Variants in TSHZ2 observed in about 807,000 individuals in gnomAD.
The protein encoded by TSHZ2 is teashirt homolog 2.
Under a neutral mutation model 74.4 loss-of-function variants are expected in TSHZ2, and 21 were observed. That is an observed-to-expected ratio of 0.28 (90% CI 0.20 to 0.41). The LOEUF is 0.41. Among genes scored for constraint, TSHZ2 ranks in the 10% least tolerant of loss-of-function variants. The pLI is 1.00. For missense variants in TSHZ2, 1,244 were observed against 1,293.5 expected, an observed-to-expected ratio of 0.96 and a Z score of 0.59; for synonymous variants, 540 against 515.3, an observed-to-expected ratio of 1.05 and a Z score of -0.65.
intron 1 of TSHZ2, among the ~76,000 whole-genome samples, chr20:53,021,840 T>G (rs556293899): frequency 6.6e-6 from 1 of 152,346 alleles, no homozygotes; most frequent in Admixed American, 6.5e-5. Flanking sequence ...ACTTGGTTTT[T>G]AAGTAGTAAT....
intron 1 of TSHZ2, among the ~76,000 whole-genome samples, chr20:53,143,952 G>A (rs867999558): frequency 6.6e-6 from 1 of 152,092 alleles, no homozygotes. Flanking sequence ...AATTTGGTGG[G>A]TAGGAGGTTG....
At chr20:53,089,660 T>C (rs1182723537) in intron 1 of TSHZ2, among the ~76,000 whole-genome samples, 2 of 152,082 alleles carry the variant, frequency 1.3e-5, no homozygotes, top group Non-Finnish European at 2.9e-5. Flanking sequence ...GCTATGAAGA[T>C]TAAAAAGCTA....
At chr20:53,132,299 T>C (rs1987125621) in intron 1 of TSHZ2, among the ~76,000 whole-genome samples, 1 of 150,780 alleles carries the variant, frequency 6.6e-6, no homozygotes, top group South Asian at 2.1e-4. Flanking sequence ...TTCTCATTAT[T>C]CTTTCTGCCC....
chr20:53,191,428 C>T (rs941898364), intron 1 of TSHZ2, among the ~76,000 whole-genome samples: 6 of 152,088 alleles, frequency 3.9e-5, no homozygotes, highest in African/African-American at 1.2e-4. Flanking sequence ...TTTGAGAGGC[C>T]GAGGCGGGTG....
Position 53,119,386 on chromosome 20 carries a change from G to A in TSHZ2, c.41-134113G>A, listed in dbSNP as rs753188660. ...TCATCAAACTTAAGCAAATAGGGAC[G>A]AGACACAACTAAATGAGACATTGTA... On this transcript the variant is annotated intron_variant, in intron 1 of 2. Transcript: ENST00000371497. 4.6e-5 allele frequency among the ~76,000 whole-genome samples: 7 copies of A among 152,170 alleles called. No homozygotes were observed. The South Asian group carries it at 8.3e-4, about 18-fold the overall frequency.
chr20:52,981,700 C>T lies in TSHZ2; in HGVS notation c.40+8367C>T, dbSNP rs144456425. Among the ~76,000 whole-genome samples the T allele has an allele frequency of 6.1e-3, 928 of 152,320 alleles. 15 individuals are homozygous for T. Among genetic ancestry groups the T allele is most frequent in the African/African-American group, 0.021 (877 of 41,570 alleles). On this transcript the variant is annotated intron_variant, in intron 1 of 2. Coordinates refer to ENST00000371497, the MANE Select transcript of TSHZ2 (RefSeq NM_173485.6). ...TCTCCTGAGGCAGACTCATTCTGGG[C>T]TGTTTGGAGTCCAGCACCCGCTCAA... is the stretch of plus-strand genomic sequence containing the variant.
chr20:53,423,801 C>T (rs1438881549), intron 2 of TSHZ2, among the ~76,000 whole-genome samples: 2 of 152,228 alleles, frequency 1.3e-5, no homozygotes, highest in Non-Finnish European at 1.5e-5. Context: ...AATGACCACA[C>T]TGTCAAGTAA....
At chr20:53,078,766 G>C (rs1384324572) in intron 1 of TSHZ2, among the ~76,000 whole-genome samples, 1 of 152,150 alleles carries the variant, frequency 6.6e-6, no homozygotes, top group Non-Finnish European at 1.5e-5. Context: ...AAAATCAATA[G>C]AGCTTGGCTA....
At chr20:53,377,198 C>T (rs1321156709) in intron 2 of TSHZ2, among the ~76,000 whole-genome samples, 1 of 152,230 alleles carries the variant, frequency 6.6e-6, no homozygotes, top group Non-Finnish European at 1.5e-5. Flanking sequence ...TTTCAAGAAC[C>T]TTACACTTGC....
At chr20:53,059,060 A>T (rs1984735174) in intron 1 of TSHZ2, among the ~76,000 whole-genome samples, 1 of 152,212 alleles carries the variant, frequency 6.6e-6, no homozygotes, top group African/African-American at 2.4e-5. Context: ...GAAATGTACT[A>T]AACATTTTTT....
chr20:53,079,339 A>G (rs1053798793), intron 1 of TSHZ2, among the ~76,000 whole-genome samples: 1 of 152,132 alleles, frequency 6.6e-6, no homozygotes, highest in African/African-American at 2.4e-5. Flanking sequence ...TAAATGAGAG[A>G]TGAGAAATAG....
intron 1 of TSHZ2, among the ~76,000 whole-genome samples, chr20:53,117,037 GAGAA>G (rs1422065110): frequency 5.3e-5 from 8 of 152,210 alleles, no homozygotes; most frequent in Admixed American, 2.0e-4. Context: ...GGAAAAGGGA[GAGAA>G]AGAGAGAGAG....
At chr20:53,150,956 A>G (rs1987663357) in intron 1 of TSHZ2, among the ~76,000 whole-genome samples, 1 of 152,176 alleles carries the variant, frequency 6.6e-6, no homozygotes. Context: ...TGGAGAGACA[A>G]ATTAGCTATT....
intron 1 of TSHZ2, among the ~76,000 whole-genome samples, chr20:53,141,223 AGG>A (rs1314111773): frequency 6.6e-6 from 1 of 152,198 alleles, no homozygotes; most frequent in Non-Finnish European, 1.5e-5. Context: ...ATGAGCTCCA[AGG>A]AGCCACCCCA....
intron 2 of TSHZ2, among the ~76,000 whole-genome samples, chr20:53,273,153 G>A (rs1274327677): frequency 2.0e-5 from 3 of 152,244 alleles, no homozygotes; most frequent in Non-Finnish European, 4.4e-5. Context: ...ACAACTCAGG[G>A]CTTTGTAGAA....
chr20:53,285,691 G>A (rs1229884333), intron 2 of TSHZ2, among the ~76,000 whole-genome samples: 5 of 151,088 alleles, frequency 3.3e-5, no homozygotes, highest in East Asian at 2.0e-4. Flanking sequence ...GCCTGGGGCC[G>A]CAGAGCAAGA....
intron 2 of TSHZ2, among the ~76,000 whole-genome samples, chr20:53,441,599 T>C (rs1984331664): frequency 6.6e-6 from 1 of 150,846 alleles, no homozygotes; most frequent in Admixed American, 6.6e-5. Flanking sequence ...TATTTTATTT[T>C]TGAGATGGAG....
intron 1 of TSHZ2, among the ~76,000 whole-genome samples, chr20:53,112,324 C>T (rs1986556556): frequency 6.6e-6 from 1 of 152,164 alleles, no homozygotes; most frequent in Admixed American, 6.5e-5. Flanking sequence ...TTCTTCAAGC[C>T]AGCAACCACA....
chr20:53,028,393 T>A (rs1983522382), intron 1 of TSHZ2, among the ~76,000 whole-genome samples: 3 of 152,208 alleles, frequency 2.0e-5, no homozygotes, highest in African/African-American at 7.2e-5. Context: ...GCAACAGCAA[T>A]GTGGGCCACA....
Sources: gnomAD v4.1 joint callset for allele counts (sites outside exome capture counted in the v4.1 genomes callset) on GRCh38, gnomAD v4.1.1 for gene constraint, MANE v1.5 for transcripts, NCBI Gene and HGNC (gene_info 2026-07-23, HGNC 2026-07-21) for gene names.